FHIT: variants seen among roughly 807,000 people sequenced by gnomAD.
The protein encoded by FHIT is bis(5'-adenosyl)-triphosphatase.
FHIT carries 19 observed loss-of-function variants against 17.9 expected under a neutral mutation model. The observed-to-expected ratio is 1.06, with a 90% CI of 0.74 to 1.56. FHIT has a LOEUF of 1.56. Among genes scored for constraint, FHIT ranks in the 40% most tolerant of loss-of-function variants. The pLI, the probability that FHIT is intolerant of heterozygous loss-of-function variation, is 0.00. For missense variants in FHIT, 248 were observed against 189.2 expected (o/e 1.31, Z -1.82); for synonymous variants, 81 against 69.7 (o/e 1.16, Z -0.81).
intron 3 of FHIT, among the ~76,000 whole-genome samples, chr3:60,993,825 A>G (rs553720244): frequency 2.0e-4 from 30 of 152,316 alleles, no homozygotes; most frequent in African/African-American, 6.0e-4. Context: ...ATTCTGAGTT[A>G]TGCCTTGGCT....
At chr3:60,879,220 T>G (rs1553757329) in intron 3 of FHIT, among the ~76,000 whole-genome samples, 1 of 152,206 alleles carries the variant, frequency 6.6e-6, no homozygotes. Flanking sequence ...TGGTTTTGAT[T>G]TGCATTTCTC....
chr3:60,205,239 T>C (rs896728558), intron 5 of FHIT, among the ~76,000 whole-genome samples: 2 of 152,184 alleles, frequency 1.3e-5, no homozygotes, highest in Non-Finnish European at 2.9e-5. Flanking sequence ...ACAGTAGCCT[T>C]GAAGGGATTT....
At chr3:60,083,915 TCTGCTATAGTG>T (rs1703392044) in intron 5 of FHIT, among the ~76,000 whole-genome samples, 1 of 152,234 alleles carries the variant, frequency 6.6e-6, no homozygotes, top group Non-Finnish European at 1.5e-5. Context: ...AAGGCCATGC[TCTGCTATAGTG>T]CTATTAAGCT....
At chr3:59,787,145 C>T (rs1336306094) in intron 8 of FHIT, among the ~76,000 whole-genome samples, 1 of 152,160 alleles carries the variant, frequency 6.6e-6, no homozygotes, top group Non-Finnish European at 1.5e-5. Context: ...ATATTATCCT[C>T]CTCATTTTGG....
At chr3:60,247,590 T>G (rs941033024) in intron 5 of FHIT, among the ~76,000 whole-genome samples, 1 of 152,138 alleles carries the variant, frequency 6.6e-6, no homozygotes, top group East Asian at 1.9e-4. Context: ...TATCTTAAAG[T>G]TCATAATAAT....
intron 2 of FHIT, among the ~76,000 whole-genome samples, chr3:61,051,923 T>C (rs2034043282): frequency 6.6e-6 from 1 of 152,194 alleles, no homozygotes; most frequent in Non-Finnish European, 1.5e-5. Flanking sequence ...ACACATATTC[T>C]AGTAATTTCC....
intron 3 of FHIT, among the ~76,000 whole-genome samples, chr3:60,913,535 C>G (rs1318499061): frequency 6.6e-6 from 1 of 152,202 alleles, no homozygotes; most frequent in African/African-American, 2.4e-5. Flanking sequence ...CTGTGGACCA[C>G]AAAATTTAAT....
intron 5 of FHIT, among the ~76,000 whole-genome samples, chr3:60,290,507 G>A (rs544230533): frequency 6.6e-6 from 1 of 152,108 alleles, no homozygotes; most frequent in East Asian, 1.9e-4. Context: ...TAGAAGAACT[G>A]AGTCCTGCCA....
At chr3:59,957,084 T>TAA in intron 7 of FHIT, among the ~76,000 whole-genome samples, 1 of 152,232 alleles carries the variant, frequency 6.6e-6, no homozygotes, top group Non-Finnish European at 1.5e-5. Context: ...GGAACTGAGC[T>TAA]TTACAGGCTG....
At chr3:60,971,451 A>C (rs76010322) in intron 3 of FHIT, among the ~76,000 whole-genome samples, 2,014 of 152,272 alleles carry the variant, frequency 0.013, 43 homozygotes, top group African/African-American at 0.045. Context: ...CAAGAGCCAA[A>C]TAAATTCTGC....
chr3:60,233,707 C>T (rs1368599560), intron 5 of FHIT, among the ~76,000 whole-genome samples: 3 of 152,104 alleles, frequency 2.0e-5, no homozygotes, highest in Non-Finnish European at 2.9e-5. Context: ...CCATAATTCC[C>T]ATGTGTCATG....
intron 5 of FHIT, among the ~76,000 whole-genome samples, chr3:60,274,871 T>C (rs1707045771): frequency 6.6e-6 from 1 of 152,186 alleles, no homozygotes; most frequent in South Asian, 2.1e-4. Flanking sequence ...TTAGCATGGA[T>C]AATTGCAATA....
intron 4 of FHIT, among the ~76,000 whole-genome samples, chr3:60,699,234 T>A (rs1553701423): frequency 6.6e-6 from 1 of 152,206 alleles, no homozygotes; most frequent in East Asian, 1.9e-4. Flanking sequence ...ACACACATCT[T>A]TGCAGTTATT....
At chr3:60,109,570 G>A (rs1704582492) in intron 5 of FHIT, among the ~76,000 whole-genome samples, 1 of 152,162 alleles carries the variant, frequency 6.6e-6, no homozygotes, top group Non-Finnish European at 1.5e-5. Flanking sequence ...GTCCAGCAAA[G>A]CAGAACAGAG....
chr3:61,145,733 T>C (rs1428865649), intron 2 of FHIT, among the ~76,000 whole-genome samples: 2 of 142,592 alleles, frequency 1.4e-5, no homozygotes, highest in Non-Finnish European at 3.0e-5. Flanking sequence ...TATACTTCTG[T>C]TAAGTTTATT....
At chr3:59,863,643 T>C (rs1020465615) in intron 8 of FHIT, among the ~76,000 whole-genome samples, 2 of 152,202 alleles carry the variant, frequency 1.3e-5, no homozygotes, top group African/African-American at 2.4e-5. Flanking sequence ...CTTCTGAATA[T>C]GAAAACAAGT....
At chr3:60,996,644 C>T (rs965225522) in intron 3 of FHIT, among the ~76,000 whole-genome samples, 7 of 152,234 alleles carry the variant, frequency 4.6e-5, no homozygotes, top group African/African-American at 1.7e-4. Context: ...CGACCACATA[C>T]TCACATACAT....
At chr3:60,825,096 T>G (rs2106786858) in intron 3 of FHIT, among the ~76,000 whole-genome samples, 1 of 152,336 alleles carries the variant, frequency 6.6e-6, no homozygotes, top group South Asian at 2.1e-4. Flanking sequence ...TATTCTAGTT[T>G]ACTTCCAGCG....
At chr3:60,551,767 A>ACC (rs1451686089) in intron 4 of FHIT, among the ~76,000 whole-genome samples, 4 of 150,348 alleles carry the variant, frequency 2.7e-5, no homozygotes, top group African/African-American at 9.8e-5. Context: ...ATAAAAATAA[A>ACC]CCTCAGGAGC....
Sources: gnomAD v4.1 joint callset for allele counts (sites outside exome capture counted in the v4.1 genomes callset) on GRCh38, gnomAD v4.1.1 for gene constraint, MANE v1.5 for transcripts, NCBI Gene and HGNC (gene_info 2026-07-23, HGNC 2026-07-21) for gene names.